The following GPR176 variants were observed in gnomAD, a reference collection of about 807,000 sequenced individuals.
GPR176 encodes the protein G-protein coupled receptor 176.
GPR176 carries 26 observed loss-of-function variants against 35.4 expected under a neutral mutation model. The ratio of observed to expected loss-of-function variants is 0.74; its 90% CI spans 0.54 to 1.02. The LOEUF is 1.02. Among genes scored for constraint, GPR176 ranks in the 50% least tolerant of loss-of-function variants. GPR176 has a pLI of 0.00. For synonymous variants in GPR176, 278 were observed against 271.3 expected (o/e 1.02, Z -0.24); for missense variants, 597 against 665.3 (o/e 0.90, Z 1.13).
At chr15:39,851,493 G>A (rs1231416396) in intron 1 of GPR176, among the ~76,000 whole-genome samples, 1 of 152,024 alleles carries the variant, frequency 6.6e-6, no homozygotes, top group Non-Finnish European at 1.5e-5. Context: ...TTCTTCCTGA[G>A]GTCAGACAAG....
intron 1 of GPR176, chr15:39,829,211 C>T (rs1015977798): frequency 9.9e-5 from 151 of 1,518,294 alleles, no homozygotes; most frequent in Non-Finnish European, 1.3e-4. Flanking sequence ...ACGCAACCCC[C>T]AACACTGAGA....
At chr15:39,808,859 C>G (rs751991085) in intron 1 of GPR176, among the ~76,000 whole-genome samples, 4 of 152,150 alleles carry the variant, frequency 2.6e-5, no homozygotes, top group Non-Finnish European at 5.9e-5. Flanking sequence ...TCTCACCATA[C>G]GTCGGAATGA....
At position 39,860,234 on chromosome 15, in the gene GPR176, T is replaced by C. The variant is rs2031504891; in HGVS notation, c.173-52976A>G. Among the ~76,000 whole-genome samples the C allele has an allele frequency of 5.3e-5, 8 of 152,322 alleles. No homozygotes were observed. The South Asian group carries it at 1.7e-3, about 32-fold the overall frequency. On this transcript the variant is annotated intron_variant, in intron 1 of 2. Coordinates refer to ENST00000561100, the MANE Select transcript of GPR176 (RefSeq NM_007223.3). ...AGAATGTAGACAGAGGATTTTTAAATAAATGTTTCAAGTCCTGGTAAAGGC... is the reference window on the plus strand; with the variant it reads ...AGAATGTAGACAGAGGATTTTTAAACAAATGTTTCAAGTCCTGGTAAAGGC...
intron 1 of GPR176, among the ~76,000 whole-genome samples, chr15:39,843,119 G>A (rs2030149569): frequency 6.6e-6 from 1 of 152,022 alleles, no homozygotes; most frequent in Non-Finnish European, 1.5e-5. Context: ...GAAGAGTCAT[G>A]GTGGCCAGTA....
intron 1 of GPR176, among the ~76,000 whole-genome samples, chr15:39,879,512 C>T (rs1357938882): frequency 6.6e-6 from 1 of 152,188 alleles, no homozygotes; most frequent in Non-Finnish European, 1.5e-5. Context: ...AAACTGTACT[C>T]TCAAACCCTC....
chr15:39,844,637 G>C (rs978208405), intron 1 of GPR176, among the ~76,000 whole-genome samples: 2 of 151,908 alleles, frequency 1.3e-5, no homozygotes, highest in African/African-American at 4.8e-5. Flanking sequence ...AGAACCTATA[G>C]GCTACATAGA....
chr15:39,864,474 C>T (rs1158246231), intron 1 of GPR176, among the ~76,000 whole-genome samples: 1 of 151,888 alleles, frequency 6.6e-6, no homozygotes, highest in Non-Finnish European at 1.5e-5. Context: ...CTGTTTCTCA[C>T]CATATACAAA....
At chr15:39,844,400 A>G (rs186737461) in intron 1 of GPR176, among the ~76,000 whole-genome samples, 7 of 152,192 alleles carry the variant, frequency 4.6e-5, no homozygotes, top group Middle Eastern at 3.4e-3. Flanking sequence ...CTCAATCTAC[A>G]TTATATAGCT....
In GPR176 at chr15:39,803,168, T is replaced by C. The variant is rs145723991; in HGVS notation, c.426-914A>G. On this transcript the variant is annotated intron_variant, in intron 2 of 2. Coordinates refer to ENST00000561100, the MANE Select transcript of GPR176 (RefSeq NM_007223.3). ...CAGTTTCTTCACATTTGCTTGGCCATATCTGTGCAGTCAGTTAATGCTGGG... is the reference window on the plus strand; with the variant it reads ...CAGTTTCTTCACATTTGCTTGGCCACATCTGTGCAGTCAGTTAATGCTGGG... 6.7e-3 allele frequency among the ~76,000 whole-genome samples: 1,023 copies of C among 152,202 alleles called. 7 individuals carry two copies. Among genetic ancestry groups the C allele is most frequent in the African/African-American group, 0.018 (758 of 41,506 alleles).
At chr15:39,834,443 A>C (rs1901274246) in intron 1 of GPR176, among the ~76,000 whole-genome samples, 1 of 152,164 alleles carries the variant, frequency 6.6e-6, no homozygotes, top group African/African-American at 2.4e-5. Context: ...CAAGCCCTAT[A>C]ATAAGCTTCC....
chr15:39,850,555 G>A (rs1321499835), intron 1 of GPR176, among the ~76,000 whole-genome samples: 1 of 152,190 alleles, frequency 6.6e-6, no homozygotes, highest in Non-Finnish European at 1.5e-5. Flanking sequence ...TAGGGGTTAA[G>A]GAGAGGGTTA....
Position 39,919,969 on chromosome 15 carries a change from C to G in GPR176, c.58G>C (p.Gly20Arg). The change falls in exon 1 of 3, where the codon GGC becomes CGC. Residue 20 changes from glycine to arginine, a missense_variant. By Grantham distance (125) the Gly-to-Arg change is moderately radical. This residue lies in a region of GPR176 where 126 missense variants were observed against 112.4 expected (regional missense o/e 1.12). Transcript: ENST00000561100. ...PNASEPHNAS[G>R]AEAAGVNRSA... ...CGGTTCACACCCGCAGCCTCGGCGC[C>G]GGACGCGTTGTGCGGCTCGCTGGCA... is the stretch of plus-strand genomic sequence containing the variant. 3 of 1,478,936 alleles carry G rather than the reference C, an allele frequency of 2.0e-6. No homozygotes were observed. Among genetic ancestry groups the G allele is most frequent in the Non-Finnish European group, 2.7e-6 (3 of 1,114,648 alleles). 91.6% of individuals were successfully genotyped at this position (1,478,936 alleles called of 1,614,324 possible). A position where few individuals can be genotyped will look rare whatever the true frequency, so the allele number is the denominator to read the frequency against.
intron 1 of GPR176, among the ~76,000 whole-genome samples, chr15:39,836,050 G>A (rs888447928): frequency 2.6e-5 from 4 of 152,192 alleles, no homozygotes; most frequent in Admixed American, 2.6e-4. Context: ...AGCCAAGATC[G>A]TGCCACTGCA....
Position 39,920,254 on chromosome 15 carries a change from C to T in GPR176, c.-228G>A, listed in dbSNP as rs957683729. On this transcript the variant is annotated 5_prime_UTR_variant, in exon 1 of 3. Coordinates refer to ENST00000561100, the MANE Select transcript of GPR176 (RefSeq NM_007223.3). ...TGCCCACTCCCTCCTGGATCCCAGT[C>T]AGCAGCCACAAGAAGGCGGCACGGT... is the stretch of plus-strand genomic sequence containing the variant. 11 of 386,094 alleles carry T rather than the reference C, an allele frequency of 2.8e-5. No individual in the cohort carries two copies. The highest frequency in any genetic ancestry group is 2.1e-4 in the African/African-American group (10 of 48,322). 23.9% of individuals were successfully genotyped at this position (386,094 alleles called of 1,614,324 possible). A position where few individuals can be genotyped will look rare whatever the true frequency, so the allele number is the denominator to read the frequency against.
In GPR176 at chr15:39,807,123, G is replaced by C. The variant is rs1395050018; in HGVS notation, c.308C>G (p.Thr103Ser). 12 of 1,575,584 alleles carry C rather than the reference G, an allele frequency of 7.6e-6. No homozygotes were observed. The highest frequency in any genetic ancestry group is 1.0e-5 in the Non-Finnish European group (12 of 1,161,506). Residue 103 changes from threonine (T) to serine (S), a missense_variant, in exon 2 of 3, where the codon ACC (threonine) becomes AGC (serine). Physicochemically the swap from Thr to Ser is moderately conservative, Grantham distance 58 (BLOSUM62 1). Coordinates refer to ENST00000561100, the MANE Select transcript of GPR176 (RefSeq NM_007223.3). ...GATCCACCAGCAACAGTGAGGACTG[G>C]TGCTGAGGATGATGTCGAAGGGCAC... ...VCVPFDIILS[T>S]SPHCCWWIYT...
At chr15:39,802,385 G>A in intron 2 of GPR176, 131 bp from the exon 3 acceptor site, 1 of 713,396 alleles carries the variant, frequency 1.4e-6, no homozygotes, top group Non-Finnish European at 2.2e-6. Flanking sequence ...GAAAAGCACT[G>A]GGGGAATCCA....
At chr15:39,878,095 CCTGTGTGT>C (rs2032322070) in intron 1 of GPR176, among the ~76,000 whole-genome samples, 1 of 40,876 alleles carries the variant, frequency 2.4e-5, no homozygotes, top group Non-Finnish European at 7.1e-5. Context: ...CCCATAGTTA[CCTGTGTGT>C]GTGTGTGTGT....
chr15:39,801,898 T>C lies in GPR176; in HGVS notation c.782A>G (p.Glu261Gly), dbSNP rs1333252833. 1 of 1,614,024 alleles carries C rather than the reference T, an allele frequency of 6.2e-7. No homozygotes were observed. ...TISIPYASQR[E>G]AELHATLLSM... Reference sequence around the variant, plus strand: ...GAGCAGGGTGGCGTGCAGCTCGGCCTCCCGCTGGGAGGCATAGGGAATAGA... The same window carrying C: ...GAGCAGGGTGGCGTGCAGCTCGGCCCCCCGCTGGGAGGCATAGGGAATAGA... The change falls in exon 3 of 3, where the codon GAG (glutamate) becomes GGG (glycine). Residue 261 changes from glutamate to glycine, a missense_variant. This residue lies in a region of GPR176 where 220 missense variants were observed against 297.6 expected (regional missense o/e 0.74). Transcript: ENST00000561100.
intron 1 of GPR176, among the ~76,000 whole-genome samples, chr15:39,880,007 C>G (rs2032412794): frequency 6.6e-6 from 1 of 152,178 alleles, no homozygotes; most frequent in African/African-American, 2.4e-5. Context: ...CCCACAATTC[C>G]TATACTTATC....
Sources: gnomAD v4.1 joint callset for allele counts (sites outside exome capture counted in the v4.1 genomes callset) on GRCh38, gnomAD v4.1.1 for gene constraint, gnomAD v4.1.1 regional missense constraint, MANE v1.5 for transcripts, NCBI Gene and HGNC (gene_info 2026-07-23, HGNC 2026-07-21) for gene names.